MNT: variants seen among roughly 807,000 people sequenced by gnomAD.
The protein encoded by MNT is max-binding protein MNT.
In MNT, 13 loss-of-function variants were observed where a neutral mutation model predicts 40.7. The observed-to-expected ratio is 0.32, with a 90% confidence interval of 0.21 to 0.51. MNT has a LOEUF of 0.51. MNT is among the 20% of genes least tolerant of loss of function. The pLI is 0.98. For missense variants in MNT, 757 were observed against 792.0 expected, an observed-to-expected ratio of 0.96 and a Z score of 0.53; for synonymous variants, 426 against 354.8, an observed-to-expected ratio of 1.20 and a Z score of -2.26.
At chr17:2,392,525 T>C (rs909501687) in intron 4 of MNT, among the ~76,000 whole-genome samples, 3 of 152,216 alleles carry the variant, frequency 2.0e-5, no homozygotes, top group Non-Finnish European at 2.9e-5. Flanking sequence ...GCTAAGCAAA[T>C]GTCGGGAGTG....
rs2066474849 is a variant in MNT at position 2,387,423 on chromosome 17, C to A, written c.1227G>T (p.Leu409=). Residue 409 remains leucine, a synonymous_variant, in exon 6 of 6, where the codon CTG becomes CTT. Coordinates refer to ENST00000174618, the MANE Select transcript of MNT (RefSeq NM_020310.3). Reference sequence around the variant, plus strand: ...CAGCCGGTGGGGGAGGAGGGGCTGGCAGAGGGGTCTTCTGCTGTGGCTGCT... The same window carrying A: ...CAGCCGGTGGGGGAGGAGGGGCTGGAAGAGGGGTCTTCTGCTGTGGCTGCT... ...QQQQPQQKTP[L]PAPPPPPAAP... 2 of 1,611,480 alleles carry A rather than the reference C, an allele frequency of 1.2e-6. No homozygotes were observed. The highest frequency in any genetic ancestry group is 1.7e-6 in the Non-Finnish European group (2 of 1,178,778).
chr17:2,387,685 G>A, intron 5 of MNT, 36 bp from the exon 6 acceptor site: 1 of 1,608,860 alleles, frequency 6.2e-7, no homozygotes, highest in Non-Finnish European at 8.5e-7. Flanking sequence ...AGGTCAGAAG[G>A]GCGGGGAAGC....
In MNT at chr17:2,386,694, C is replaced by T; in HGVS notation, c.*207G>A. On this transcript the variant is annotated 3_prime_UTR_variant, in exon 6 of 6. Transcript: ENST00000174618. ...ATTCCATCAGAGTCTCGCATTTTCT[C>T]AGAGTCATCTTACCAAGTCCTAGTG... is the stretch of plus-strand genomic sequence containing the variant. 2.0e-6 allele frequency: 1 copy of T among 493,056 alleles called. No individual in the cohort carries two copies. The highest frequency in any genetic ancestry group is 3.5e-6 in the Non-Finnish European group (1 of 286,152). The allele number at this position is 493,056 out of a possible 1,614,324, so 30.5% of individuals were successfully genotyped here. A position where few individuals can be genotyped will look rare whatever the true frequency, so the allele number is the denominator to read the frequency against.
intron 4 of MNT, chr17:2,388,403 C>A: frequency 4.2e-6 from 1 of 236,948 alleles, no homozygotes; most frequent in South Asian, 9.1e-5. Flanking sequence ...CGCGAGCTAC[C>A]CTCTAAGGAA....
intron 4 of MNT, chr17:2,389,466 G>A (rs1220574050): frequency 6.6e-6 from 1 of 152,004 alleles, no homozygotes; most frequent in East Asian, 1.9e-4. Context: ...GTAGAGACAG[G>A]GTTTCTCCAT....
chr17:2,387,441 T>C lies in MNT; in HGVS notation c.1209A>G (p.Pro403=). The change falls in exon 6 of 6, where the codon CCA becomes CCG. Residue 403 remains proline (P), a synonymous_variant. Transcript: ENST00000174618. ...GGGCTGGCAGAGGGGTCTTCTGCTG[T>C]GGCTGCTGCTGCTGCACGGGGAGGT... The part of the protein sequence containing the change: ...PAHLPVQQQQ[P]QQKTPLPAPP... The C allele has an allele frequency of 6.2e-7, 1 of 1,610,738 alleles. No homozygotes were observed. Among genetic ancestry groups the C allele is most frequent in the African/African-American group, 1.3e-5 (1 of 74,812 alleles).
chr17:2,386,553 G>C lies in MNT; in HGVS notation c.*348C>G. 3.7e-6 allele frequency: 1 copy of C among 269,428 alleles called. No homozygotes were observed. The allele number at this position is 269,428 out of a possible 1,614,324, so 16.7% of individuals were successfully genotyped here. ...AATAGCAGCAGCAGCACACGAAGGCGGGGCAGGGCGGGGGAGAAGTCAGGG... is the reference window on the plus strand; with the variant it reads ...AATAGCAGCAGCAGCACACGAAGGCCGGGCAGGGCGGGGGAGAAGTCAGGG... On this transcript the variant is annotated 3_prime_UTR_variant, in exon 6 of 6. Coordinates refer to ENST00000174618, the MANE Select transcript of MNT (RefSeq NM_020310.3).
At position 2,393,969 on chromosome 17, in the gene MNT, G is replaced by A. The variant is rs1391682035; in HGVS notation, c.807+74C>T. 7.6e-6 allele frequency: 8 copies of A among 1,057,362 alleles called. No individual in the cohort carries two copies. The East Asian group carries it at 1.3e-4, about 18-fold the overall frequency. The allele number at this position is 1,057,362 out of a possible 1,614,324, so 65.5% of individuals were successfully genotyped here. A position where few individuals can be genotyped will look rare whatever the true frequency, so the allele number is the denominator to read the frequency against. On this transcript the variant is annotated intron_variant, in intron 4 of 5. Transcript: ENST00000174618. ...AGCCGCCGGGGCGTGAGGGCGGGGC[G>A]GGGCGCGGCCGGGGGAGGGGCGGCG...
In MNT at chr17:2,387,442, GGCT is replaced by G. The variant is rs747138883; in HGVS notation, c.1205_1207del (p.Gln402del). The G allele has an allele frequency of 2.2e-5, 35 of 1,611,074 alleles. No homozygotes were observed. The Middle Eastern group carries it at 6.8e-4, about 31-fold the overall frequency. On this transcript the variant is annotated inframe_deletion, in exon 6 of 6. Transcript: ENST00000174618. Reference sequence around the variant, plus strand: ...GGCTGGCAGAGGGGTCTTCTGCTGTGGCTGCTGCTGCTGCACGGGGAGGTGGGC... The same window carrying G: ...GGCTGGCAGAGGGGTCTTCTGCTGTGGCTGCTGCTGCACGGGGAGGTGGGC...
rs1431019889 is a variant in MNT at position 2,385,819 on chromosome 17, A to G, written c.*1082T>C. On this transcript the variant is annotated 3_prime_UTR_variant, in exon 6 of 6. Transcript: ENST00000174618. The stretch of plus-strand genomic sequence containing the variant: ...GGCTTGGCTAAGCCGCTGGGTTTTT[A>G]CCTTCCTGATGTCTCAACGATGTGG... The G allele has an allele frequency of 6.6e-6, 1 of 152,214 alleles. No homozygotes were observed. Among genetic ancestry groups the G allele is most frequent in the East Asian group, 1.9e-4 (1 of 5,188 alleles). 9.4% of individuals were successfully genotyped at this position (152,214 alleles called of 1,614,324 possible).
chr17:2,387,827 T>TG (rs773100723), intron 5 of MNT, 30 bp downstream of exon 5: 4 of 1,563,836 alleles, frequency 2.6e-6, no homozygotes, highest in Admixed American at 1.8e-5. Context: ...ATCTGAGGGC[T>TG]GGGGGGCCAG....
At chr17:2,399,503 C>T (rs1296737238) in intron 1 of MNT, among the ~76,000 whole-genome samples, 2 of 152,186 alleles carry the variant, frequency 1.3e-5, no homozygotes, top group Non-Finnish European at 2.9e-5. Flanking sequence ...TCCCTTGCCT[C>T]GGGATCAAAC....
At chr17:2,388,431 A>C in intron 4 of MNT, 1 of 199,390 alleles carries the variant, frequency 5.0e-6, no homozygotes, top group Middle Eastern at 1.9e-3. Context: ...CTGCGCTTCC[A>C]CCTCACCGTT....
intron 1 of MNT, among the ~76,000 whole-genome samples, chr17:2,397,245 C>A (rs1053530769): frequency 6.6e-5 from 10 of 152,204 alleles, no homozygotes; most frequent in African/African-American, 2.4e-4. Context: ...CAGCCCTGCG[C>A]TCCCGCTTCC....
Position 2,400,935 on chromosome 17 carries a change from G to C in MNT, c.-223C>G. ...TAAAATTGCAAATTTAAAAAAATGG[G>C]ATGCAAAAAAAAAAAAAAGGCGGCA... On this transcript the variant is annotated 5_prime_UTR_variant, in exon 1 of 6. In the 5' UTR this introduces an upstream ATG that the reference lacks. Transcript: ENST00000174618. 2 of 341,056 alleles carry C rather than the reference G, an allele frequency of 5.9e-6. No individual in the cohort carries two copies. The highest frequency in any genetic ancestry group is 5.2e-6 in the Non-Finnish European group (1 of 190,500). The allele number at this position is 341,056 out of a possible 1,614,324, so 21.1% of individuals were successfully genotyped here.
rs904264471 is a variant in MNT at position 2,400,847 on chromosome 17, C to T, written c.-135G>A. 1 of 546,508 alleles carries T rather than the reference C, an allele frequency of 1.8e-6. No homozygotes were observed. Among genetic ancestry groups the T allele is most frequent in the African/African-American group, 2.0e-5 (1 of 49,906 alleles). 33.9% of individuals were successfully genotyped at this position (546,508 alleles called of 1,614,324 possible). A position where few individuals can be genotyped will look rare whatever the true frequency, so the allele number is the denominator to read the frequency against. Reference sequence around the variant, plus strand: ...CAGGGCTGGGCGGCGCAGCGCACTCCGCAGGGAAGAACGGGGGAGCACGGG... The same window carrying T: ...CAGGGCTGGGCGGCGCAGCGCACTCTGCAGGGAAGAACGGGGGAGCACGGG... On this transcript the variant is annotated 5_prime_UTR_variant, in exon 1 of 6. Coordinates refer to ENST00000174618, the MANE Select transcript of MNT (RefSeq NM_020310.3).
At chr17:2,391,436 G>C (rs1361026362) in intron 4 of MNT, 1 of 152,292 alleles carries the variant, frequency 6.6e-6, no homozygotes, top group Non-Finnish European at 1.5e-5. Context: ...GCCAGGGAGT[G>C]ACATGGGTCA....
chr17:2,387,707 G>A (rs1442011790), intron 5 of MNT, 58 bp from the exon 6 acceptor site: 3 of 1,598,438 alleles, frequency 1.9e-6, no homozygotes. Context: ...AGTGGCTGGA[G>A]GCGTAGATGC....
intron 4 of MNT, among the ~76,000 whole-genome samples, chr17:2,392,919 G>C (rs954683061): frequency 8.5e-5 from 13 of 152,220 alleles, no homozygotes; most frequent in African/African-American, 3.1e-4. Context: ...CCCCCCTGGA[G>C]CAGTCGCGAA....
Sources: gnomAD v4.1 joint callset for allele counts (sites outside exome capture counted in the v4.1 genomes callset) on GRCh38, gnomAD v4.1.1 for gene constraint, MANE v1.5 for transcripts, NCBI Gene and HGNC (gene_info 2026-07-23, HGNC 2026-07-21) for gene names.